Variants in MACROD2 observed in about 807,000 individuals in gnomAD.
MACROD2 encodes the protein ADP-ribose glycohydrolase MACROD2.
MACROD2 carries 36 observed loss-of-function variants against 70.4 expected under a neutral mutation model. The ratio of observed to expected loss-of-function variants is 0.51; its 90% confidence interval spans 0.39 to 0.68. MACROD2 has a LOEUF of 0.68. Ranked by LOEUF, MACROD2 falls within the 30% of genes least tolerant of loss-of-function variation. The pLI, the probability that MACROD2 is intolerant of heterozygous loss-of-function variation, is 0.00. For missense variants in MACROD2, 496 were observed against 538.4 expected (o/e 0.92, Z 0.78); for synonymous variants, 172 against 178.8 (o/e 0.96, Z 0.30).
At chr20:15,142,379 C>T (rs942159425) in intron 5 of MACROD2, among the ~76,000 whole-genome samples, 2 of 152,100 alleles carry the variant, frequency 1.3e-5, no homozygotes, top group Non-Finnish European at 2.9e-5. Context: ...ATCGTTCTGT[C>T]CACAGGTTAC....
intron 15 of MACROD2, among the ~76,000 whole-genome samples, chr20:16,014,109 T>C (rs1361752235): frequency 2.6e-5 from 4 of 152,234 alleles, no homozygotes; most frequent in Non-Finnish European, 5.9e-5. Context: ...AGTGTCAGTG[T>C]TGGACTCTAG....
At chr20:14,733,287 C>G (rs2052253253) in intron 5 of MACROD2, among the ~76,000 whole-genome samples, 1 of 152,094 alleles carries the variant, frequency 6.6e-6, no homozygotes, top group African/African-American at 2.4e-5. Context: ...TAATACTTCT[C>G]CTAATTGCAT....
chr20:14,760,300 G>A (rs16994917), intron 5 of MACROD2, among the ~76,000 whole-genome samples: 3,336 of 152,114 alleles, frequency 0.022, 142 homozygotes, highest in African/African-American at 0.076. Context: ...TGCAATCTTG[G>A]AAGTGCTTAT....
chr20:14,760,192 G>A (rs541688430), intron 5 of MACROD2, among the ~76,000 whole-genome samples: 3 of 152,054 alleles, frequency 2.0e-5, no homozygotes, highest in South Asian at 2.1e-4. Context: ...AGGTCCCCAC[G>A]TTTCCTGTCG....
intron 5 of MACROD2, among the ~76,000 whole-genome samples, chr20:14,838,226 C>A (rs1047656419): frequency 6.6e-6 from 1 of 151,958 alleles, no homozygotes; most frequent in Non-Finnish European, 1.5e-5. Context: ...AAAGATGTTG[C>A]AAATCAGCTA....
intron 3 of MACROD2, among the ~76,000 whole-genome samples, chr20:14,261,073 G>C (rs1344582661): frequency 6.6e-6 from 1 of 152,208 alleles, no homozygotes. Flanking sequence ...TGTACTTGAT[G>C]TTAAAAGAAA....
intron 9 of MACROD2, among the ~76,000 whole-genome samples, chr20:15,869,962 G>A (rs1284685467): frequency 6.6e-6 from 1 of 152,006 alleles, no homozygotes; most frequent in Non-Finnish European, 1.5e-5. Context: ...AGAAAGTGTA[G>A]CTTTGCATAA....
intron 5 of MACROD2, among the ~76,000 whole-genome samples, chr20:14,730,657 T>A (rs1430307505): frequency 1.3e-5 from 2 of 152,104 alleles, no homozygotes; most frequent in African/African-American, 2.4e-5. Flanking sequence ...CCTAAAAGGA[T>A]GGCACAAATA....
At chr20:15,169,725 A>G (rs980516078) in intron 5 of MACROD2, among the ~76,000 whole-genome samples, 8 of 152,222 alleles carry the variant, frequency 5.3e-5, no homozygotes, top group African/African-American at 1.9e-4. Context: ...ACTTTTAGCA[A>G]AATTACAAGA....
chr20:15,855,534 C>A (rs1490944563), intron 8 of MACROD2, among the ~76,000 whole-genome samples: 1 of 152,076 alleles, frequency 6.6e-6, no homozygotes, highest in African/African-American at 2.4e-5. Context: ...TAAAAAAATT[C>A]TTATTGAAGT....
At chr20:14,373,332 T>C (rs1336031678) in intron 3 of MACROD2, among the ~76,000 whole-genome samples, 1 of 152,192 alleles carries the variant, frequency 6.6e-6, no homozygotes, top group African/African-American at 2.4e-5. Context: ...TGAAATGTAA[T>C]ACATTTGAAT....
intron 15 of MACROD2, among the ~76,000 whole-genome samples, chr20:15,993,231 AGAGTGT>A (rs1167211301): frequency 2.4e-3 from 231 of 98,098 alleles, no homozygotes; most frequent in South Asian, 3.7e-3. Flanking sequence ...GAGAATTTGA[AGAGTGT>A]GTGTGTGTGT....
chr20:14,448,278 G>A (rs1320332284), intron 3 of MACROD2, among the ~76,000 whole-genome samples: 1 of 151,996 alleles, frequency 6.6e-6, no homozygotes, highest in Non-Finnish European at 1.5e-5. Context: ...ACTCTGTTCA[G>A]CAACTAATGT....
chr20:15,631,761 G>A (rs1263493677), intron 8 of MACROD2, among the ~76,000 whole-genome samples: 1 of 152,038 alleles, frequency 6.6e-6, no homozygotes, highest in Non-Finnish European at 1.5e-5. Context: ...CACTTGGAGA[G>A]CTTTAAAAAA....
chr20:14,987,564 A>G (rs1006557427), intron 5 of MACROD2, among the ~76,000 whole-genome samples: 1 of 152,190 alleles, frequency 6.6e-6, no homozygotes, highest in African/African-American at 2.4e-5. Context: ...TGATTTTTGA[A>G]AGTACACTGA....
intron 8 of MACROD2, among the ~76,000 whole-genome samples, chr20:15,722,059 G>A (rs2050794560): frequency 6.6e-6 from 1 of 152,118 alleles, no homozygotes; most frequent in Non-Finnish European, 1.5e-5. Context: ...GTTGTTGCAT[G>A]CAACTTTAAT....
chr20:15,807,298 G>A (rs939313743), intron 8 of MACROD2, among the ~76,000 whole-genome samples: 7 of 152,288 alleles, frequency 4.6e-5, no homozygotes, highest in East Asian at 3.9e-4. Flanking sequence ...CATGGCCTTC[G>A]TTAGGCTATG....
chr20:15,636,473 A>G (rs973581217), intron 8 of MACROD2, among the ~76,000 whole-genome samples: 1 of 152,156 alleles, frequency 6.6e-6, no homozygotes, highest in African/African-American at 2.4e-5. Flanking sequence ...TTTTGTATGC[A>G]TCATCTCAAC....
chr20:15,461,943 A>AT (rs529683258), intron 7 of MACROD2, among the ~76,000 whole-genome samples: 3,719 of 150,850 alleles, frequency 0.025, 74 homozygotes, highest in African/African-American at 0.046. Flanking sequence ...TAAAAATAAG[A>AT]TTTTTTTTTT....
Sources: gnomAD v4.1 joint callset for allele counts (sites outside exome capture counted in the v4.1 genomes callset) on GRCh38, gnomAD v4.1.1 for gene constraint, MANE v1.5 for transcripts, NCBI Gene and HGNC (gene_info 2026-07-23, HGNC 2026-07-21) for gene names.